Variants in LMO7 observed in about 807,000 individuals in gnomAD.
The protein encoded by LMO7 is LIM domain 7.
LMO7 carries 120 observed loss-of-function variants against 206.5 expected under a neutral mutation model. The ratio of observed to expected loss-of-function variants is 0.58; its 90% CI spans 0.50 to 0.68. LMO7 has a LOEUF of 0.68. Among genes scored for constraint, LMO7 ranks in the 30% least tolerant of loss-of-function variants. LMO7 has a pLI of 0.00. For missense variants in LMO7, 1,959 were observed against 1,957.9 expected (o/e 1.00, Z -0.01); for synonymous variants, 706 against 681.5 (o/e 1.04, Z -0.56).
intron 13 of LMO7, among the ~76,000 whole-genome samples, chr13:75,819,904 T>G (rs1005600171): frequency 1.3e-5 from 2 of 152,224 alleles, no homozygotes; most frequent in Non-Finnish European, 2.9e-5. Context: ...CTCTTTTAAC[T>G]AAATTGTGTA....
chr13:75,795,907 A>G (rs1490127433), intron 5 of LMO7, among the ~76,000 whole-genome samples: 1 of 152,222 alleles, frequency 6.6e-6, no homozygotes, highest in African/African-American at 2.4e-5. Context: ...GCAGCAAACC[A>G]CAATGGCACA....
intron 1 of LMO7, among the ~76,000 whole-genome samples, chr13:75,660,719 C>T (rs2038505577): frequency 6.6e-6 from 1 of 152,170 alleles, no homozygotes; most frequent in African/African-American, 2.4e-5. Context: ...AGGCCATCTA[C>T]TGTGCTGTCT....
chr13:75,760,456 A>C, intron 3 of LMO7: 1 of 1,188,270 alleles, frequency 8.4e-7, no homozygotes, highest in Non-Finnish European at 1.0e-6. Flanking sequence ...TCGTTCTGTA[A>C]TTTGTAATCA....
intron 3 of LMO7, among the ~76,000 whole-genome samples, chr13:75,745,792 G>A (rs1364119333): frequency 6.6e-6 from 1 of 152,120 alleles, no homozygotes; most frequent in South Asian, 2.1e-4. Context: ...TGAAACATTG[G>A]CTTTTCTTAA....
At chr13:75,851,382 G>A (rs2060495204) in intron 27 of LMO7, among the ~76,000 whole-genome samples, 1 of 152,202 alleles carries the variant, frequency 6.6e-6, no homozygotes, top group South Asian at 2.1e-4. Flanking sequence ...TTGTATGTAT[G>A]TGTAAATATG....
At chr13:75,657,591 G>C (rs536362889) in intron 1 of LMO7, among the ~76,000 whole-genome samples, 1 of 152,274 alleles carries the variant, frequency 6.6e-6, no homozygotes, top group South Asian at 2.1e-4. Flanking sequence ...AACCCACCCA[G>C]TGAATCAGAT....
At chr13:75,709,133 T>A (rs575335478) in intron 1 of LMO7, among the ~76,000 whole-genome samples, 1 of 152,376 alleles carries the variant, frequency 6.6e-6, no homozygotes, top group East Asian at 1.9e-4. Context: ...GAACTCATCA[T>A]TTTTTATGGC....
intron 2 of LMO7, chr13:75,623,367 C>T (rs1318578496): frequency 9.3e-7 from 1 of 1,071,040 alleles, no homozygotes. Context: ...AAGGCCAAAG[C>T]ATTTTTTTCT....
chr13:75,654,986 T>G (rs898913650), intron 1 of LMO7, among the ~76,000 whole-genome samples: 3 of 151,770 alleles, frequency 2.0e-5, no homozygotes, highest in Non-Finnish European at 4.4e-5. Flanking sequence ...TTCTCCTGCC[T>G]CAGCCTCCTG....
intron 11 of LMO7, among the ~76,000 whole-genome samples, chr13:75,810,981 T>G (rs1461675278): frequency 6.6e-6 from 1 of 152,198 alleles, no homozygotes; most frequent in African/African-American, 2.4e-5. Flanking sequence ...TGCATGCAGT[T>G]CAATGCCAAG....
chr13:75,734,365 A>C (rs1158597393), intron 3 of LMO7, among the ~76,000 whole-genome samples: 2 of 152,232 alleles, frequency 1.3e-5, no homozygotes, highest in Non-Finnish European at 2.9e-5. Flanking sequence ...CATTGCAATG[A>C]TAGGAGTCTG....
chr13:75,830,600 C>G (rs1186401846), intron 15 of LMO7, among the ~76,000 whole-genome samples: 1 of 152,186 alleles, frequency 6.6e-6, no homozygotes, highest in African/African-American at 2.4e-5. Flanking sequence ...GCCACAGGGA[C>G]ACTGTCCTTC....
rs1284725143 is a variant in LMO7, at chr13:75,807,528, G to T, written c.1245G>T (p.Leu415Phe). 1 of 1,613,722 alleles carries T rather than the reference G, an allele frequency of 6.2e-7. No individual in the cohort carries two copies. Among genetic ancestry groups the T allele is most frequent in the Non-Finnish European group, 8.5e-7 (1 of 1,179,856 alleles). The change falls in exon 10 of 31, where the codon TTG becomes TTT. Residue 415 changes from leucine (L) to phenylalanine (F), a missense_variant. Leu to Phe is a conservative substitution (Grantham distance 22). Coordinates refer to ENST00000377534, the MANE Select transcript of LMO7 (RefSeq NM_001306080.2). ...QALQTYSDDI[L>F]SSETHTKIDP... is the part of the protein sequence containing the mutation. ...TCCAAACATACTCTGATGACATCTTGTCTTCTGAAACACATACCAAAATTG... is the reference window on the plus strand; with the variant it reads ...TCCAAACATACTCTGATGACATCTTTTCTTCTGAAACACATACCAAAATTG...
At chr13:75,723,802 G>A (rs1431579996) in intron 2 of LMO7, among the ~76,000 whole-genome samples, 1 of 152,138 alleles carries the variant, frequency 6.6e-6, no homozygotes, top group Non-Finnish European at 1.5e-5. Flanking sequence ...AGATGTCTTA[G>A]TCTGTTTGGG....
intron 1 of LMO7, among the ~76,000 whole-genome samples, chr13:75,668,019 C>G (rs970301483): frequency 1.3e-5 from 2 of 152,090 alleles, no homozygotes; most frequent in African/African-American, 4.8e-5. Context: ...ACCAGCCTGG[C>G]CAACATGGTG....
chr13:75,693,260 C>A (rs540842119), intron 1 of LMO7, among the ~76,000 whole-genome samples: 2 of 152,200 alleles, frequency 1.3e-5, no homozygotes, highest in Non-Finnish European at 2.9e-5. Context: ...TATTAAACAA[C>A]CACATTTTGA....
chr13:75,727,860 G>C (rs548434002), intron 3 of LMO7, among the ~76,000 whole-genome samples: 5 of 149,746 alleles, frequency 3.3e-5, no homozygotes, highest in Non-Finnish European at 7.4e-5. Context: ...CCACCTTTGA[G>C]TGAGAACATG....
chr13:75,804,799 C>A, intron 8 of LMO7: 1 of 1,135,014 alleles, frequency 8.8e-7, no homozygotes, highest in Non-Finnish European at 1.1e-6. Context: ...TTCAGCTTAC[C>A]AGATAATTTG....
At chr13:75,803,373 G>C (rs1295632670) in intron 7 of LMO7, among the ~76,000 whole-genome samples, 6 of 152,212 alleles carry the variant, frequency 3.9e-5, no homozygotes, top group Admixed American at 3.9e-4. Context: ...ACTGTGCACA[G>C]CCAGGCCTGG....
Sources: gnomAD v4.1 joint callset for allele counts (sites outside exome capture counted in the v4.1 genomes callset) on GRCh38, gnomAD v4.1.1 for gene constraint, MANE v1.5 for transcripts, NCBI Gene and HGNC (gene_info 2026-07-23, HGNC 2026-07-21) for gene names.